MXI1: variants seen among roughly 807,000 people sequenced by gnomAD.
MXI1 encodes MAX interactor 1, dimerization protein.
A neutral mutation model predicts 36.9 loss-of-function variants in MXI1; 18 were observed. The ratio of observed to expected loss-of-function variants is 0.49; its 90% CI spans 0.34 to 0.72. MXI1 has a LOEUF of 0.72. Ranked by LOEUF, MXI1 falls within the 30% of genes least tolerant of loss-of-function variation. MXI1 has a pLI of 0.01. For synonymous variants in MXI1, 160 were observed against 146.7 expected, an observed-to-expected ratio of 1.09 and a Z score of -0.65; for missense variants, 304 against 379.1, an observed-to-expected ratio of 0.80 and a Z score of 1.64.
rs1857434490 is a variant in MXI1 at position 110,286,782 on chromosome 10, T to C, written c.*1795T>C. 6.6e-6 allele frequency: 1 copy of C among 152,252 alleles called. No individual in the cohort carries two copies. The highest frequency in any genetic ancestry group is 1.5e-5 in the Non-Finnish European group (1 of 68,056). The allele number at this position is 152,252 out of a possible 1,614,324, so 9.4% of individuals were successfully genotyped here. ...TTCCTTTGCCTCCAGAAGAAGTTTT[T>C]CCTTGATTGTGCTATGTTTCAGTGG... is the stretch of plus-strand genomic sequence containing the variant. On this transcript the variant is annotated 3_prime_UTR_variant, in exon 6 of 6. Transcript: ENST00000332674.
intron 1 of MXI1, among the ~76,000 whole-genome samples, chr10:110,215,078 G>T (rs1244816854): frequency 1.7e-5 from 2 of 117,952 alleles, no homozygotes; most frequent in African/African-American, 3.3e-5. Context: ...GTCTCACTCT[G>T]TTGCCCAGGC....
intron 5 of MXI1, among the ~76,000 whole-genome samples, chr10:110,282,354 CTTGT>C (rs1322150387): frequency 7.9e-5 from 12 of 151,960 alleles, no homozygotes; most frequent in Non-Finnish European, 1.3e-4. Context: ...CCTAGGAGTT[CTTGT>C]TTTTCTGTTT....
chr10:110,238,343 G>A (rs1028898896), intron 2 of MXI1, among the ~76,000 whole-genome samples: 1 of 152,068 alleles, frequency 6.6e-6, no homozygotes, highest in African/African-American at 2.4e-5. Context: ...GGTGTAGTCC[G>A]AAGACCCACT....
intron 3 of MXI1, among the ~76,000 whole-genome samples, chr10:110,278,148 T>C (rs995105764): frequency 2.0e-5 from 3 of 152,226 alleles, no homozygotes; most frequent in Non-Finnish European, 4.4e-5. Context: ...TTACCCCTTA[T>C]GAAACACAGG....
At chr10:110,273,296 C>T (rs1214116014) in intron 3 of MXI1, among the ~76,000 whole-genome samples, 1 of 151,954 alleles carries the variant, frequency 6.6e-6, no homozygotes, top group African/African-American at 2.4e-5. Flanking sequence ...ATCCGCCCGC[C>T]TCGGCCTCCC....
At chr10:110,282,795 G>C (rs1857301237) in intron 5 of MXI1, among the ~76,000 whole-genome samples, 1 of 152,062 alleles carries the variant, frequency 6.6e-6, no homozygotes, top group Non-Finnish European at 1.5e-5. Context: ...GGCTAAAGCA[G>C]TTTCTCATTT....
intron 1 of MXI1, among the ~76,000 whole-genome samples, chr10:110,209,324 T>TGC (rs1854447384): frequency 6.6e-6 from 1 of 152,144 alleles, no homozygotes; most frequent in African/African-American, 2.4e-5. Context: ...TGTGTACGTG[T>TGC]GCGCGTGTGT....
At chr10:110,257,852 G>GT in intron 3 of MXI1, 3 of 328,138 alleles carry the variant, frequency 9.1e-6, no homozygotes, top group Non-Finnish European at 1.8e-5. Context: ...CATAATAGGT[G>GT]TTTAAAAAAC....
intron 2 of MXI1, among the ~76,000 whole-genome samples, chr10:110,232,565 G>A (rs955541675): frequency 6.6e-6 from 1 of 152,168 alleles, no homozygotes; most frequent in African/African-American, 2.4e-5. Flanking sequence ...CCTATTCACT[G>A]GATTAAAAAC....
chr10:110,280,688 A>G (rs918359453), intron 5 of MXI1, among the ~76,000 whole-genome samples: 2 of 151,940 alleles, frequency 1.3e-5, no homozygotes, highest in Admixed American at 6.6e-5. Context: ...TCAAAAAAAA[A>G]AAAAAGAAAA....
At chr10:110,226,390 A>G (rs1590337940) in intron 1 of MXI1, 2 of 962,644 alleles carry the variant, frequency 2.1e-6, no homozygotes, top group African/African-American at 2.8e-5. Flanking sequence ...GCATGAGGTG[A>G]GGTGTGCGCG....
At chr10:110,258,495 T>C (rs987672565) in intron 3 of MXI1, among the ~76,000 whole-genome samples, 5 of 152,166 alleles carry the variant, frequency 3.3e-5, no homozygotes, top group Non-Finnish European at 5.9e-5. Context: ...TAAATTAACA[T>C]TATCAAACAG....
intron 3 of MXI1, among the ~76,000 whole-genome samples, chr10:110,268,566 T>A (rs1484032831): frequency 3.3e-5 from 5 of 152,170 alleles, no homozygotes; most frequent in Middle Eastern, 3.2e-3. Context: ...ATAAAGTAGT[T>A]CTTAAGGCAT....
At chr10:110,266,968 C>A (rs1467652600) in intron 3 of MXI1, among the ~76,000 whole-genome samples, 1 of 152,110 alleles carries the variant, frequency 6.6e-6, no homozygotes, top group Non-Finnish European at 1.5e-5. Flanking sequence ...TTTTCTGATA[C>A]TTTTATCCTG....
At chr10:110,227,552 G>C (rs2134353753) in intron 1 of MXI1, 1 of 971,778 alleles carries the variant, frequency 1.0e-6, no homozygotes, top group African/African-American at 1.8e-5. Flanking sequence ...GGTGCTGGGA[G>C]ATAAGAGGAA....
chr10:110,261,084 A>G (rs1032621794), intron 3 of MXI1: 1 of 985,018 alleles, frequency 1.0e-6, no homozygotes, highest in African/African-American at 1.7e-5. Flanking sequence ...CAAAACAAGG[A>G]GCACAGCTTA....
intron 1 of MXI1, among the ~76,000 whole-genome samples, chr10:110,218,810 T>G (rs968358582): frequency 1.3e-5 from 2 of 152,170 alleles, no homozygotes; most frequent in African/African-American, 4.8e-5. Flanking sequence ...GTAGGGCAAC[T>G]GGGCTGGCCC....
chr10:110,245,594 C>T (rs1219979631), intron 3 of MXI1: 2 of 152,126 alleles, frequency 1.3e-5, no homozygotes, highest in African/African-American at 4.8e-5. Flanking sequence ...AAGATTGTAA[C>T]ATGAGTAAAG....
rs1409102576 is a variant in MXI1 at position 110,287,300 on chromosome 10, T to C, written c.*2313T>C. The stretch of plus-strand genomic sequence containing the variant: ...GTATGAGTAAGAAGTATTAATTTTT[T>C]AAAAGACAAATCAACTTTGAAGACA... On this transcript the variant is annotated 3_prime_UTR_variant, in exon 6 of 6. Coordinates refer to ENST00000332674, the MANE Select transcript of MXI1 (RefSeq NM_130439.3). The C allele has an allele frequency of 6.6e-6, 1 of 151,974 alleles. No homozygotes were observed. Among genetic ancestry groups the C allele is most frequent in the Non-Finnish European group, 1.5e-5 (1 of 67,982 alleles). 9.4% of individuals were successfully genotyped at this position (151,974 alleles called of 1,614,324 possible). A position where few individuals can be genotyped will look rare whatever the true frequency, so the allele number is the denominator to read the frequency against.
Sources: allele counts gnomAD v4.1 joint callset (sites outside exome capture counted in the v4.1 genomes callset), GRCh38; gene constraint gnomAD v4.1.1; transcripts MANE v1.5; gene names NCBI Gene and HGNC (gene_info 2026-07-23, HGNC 2026-07-21).